Variants in BEST1 observed in about 807,000 individuals in gnomAD.
BEST1 encodes bestrophin-1.
A neutral mutation model predicts 63.3 loss-of-function variants in BEST1; 58 were observed. That is an observed-to-expected ratio of 0.92 (90% CI 0.74 to 1.14). BEST1 has a LOEUF of 1.14. Ranked by LOEUF, BEST1 falls within the 50% of genes most tolerant of loss-of-function variation. The pLI, the probability that BEST1 is intolerant of heterozygous loss-of-function variation, is 0.00. For missense variants in BEST1, 671 were observed against 740.1 expected, an observed-to-expected ratio of 0.91 and a Z score of 1.08; for synonymous variants, 283 against 291.6, an observed-to-expected ratio of 0.97 and a Z score of 0.30.
In BEST1 at chr11:61,957,399, T is replaced by C. The variant is rs1229405461; in HGVS notation, c.649T>C (p.Leu217=). ...TTCTGCCCCCCAGGAGATGAACACCTTGCGTACTCAGTGTGGACACCTGTA... is the reference window on the plus strand; with the variant it reads ...TTCTGCCCCCCAGGAGATGAACACCCTGCGTACTCAGTGTGGACACCTGTA... ...LQSLLNEMNT[L]RTQCGHLYAY... is the part of the protein sequence containing the mutation. The change falls in exon 6 of 11, where the codon TTG becomes CTG. Residue 217 remains leucine, a synonymous_variant. Transcript: ENST00000378043. The C allele has an allele frequency of 6.2e-7, 1 of 1,611,904 alleles. No individual in the cohort carries two copies. Among genetic ancestry groups the C allele is most frequent in the Admixed American group, 1.7e-5 (1 of 59,984 alleles).
rs121918283 is a variant in BEST1, at chr11:61,959,510, CTCA to C, written c.884_886del (p.Ile295del). ...ACCTGTCCCCAAGGTGGCAGAGCAG[CTCA>C]TCAACCCCTTTGGAGAGGATGATGA... On this transcript the variant is annotated inframe_deletion, in exon 8 of 11. Coordinates refer to ENST00000378043, the MANE Select transcript of BEST1 (RefSeq NM_004183.4). The C allele has an allele frequency of 5.6e-6, 9 of 1,614,088 alleles. No homozygotes were observed. The highest frequency in any genetic ancestry group is 7.6e-6 in the Non-Finnish European group (9 of 1,180,038).
chr11:61,955,973 G>A (rs1205483810), intron 4 of BEST1, 22 bp downstream of exon 4: 3 of 1,540,954 alleles, frequency 1.9e-6, no homozygotes. Context: ...GGGAGCAACG[G>A]GGAGGCACCG....
chr11:61,955,649 G>C, intron 3 of BEST1, 69 bp from the exon 4 acceptor site: 1 of 1,473,880 alleles, frequency 6.8e-7, no homozygotes. Context: ...AGGCATCGCC[G>C]GGCGCTGGGC....
In BEST1 at chr11:61,958,204, T is replaced by A. The variant is rs1459736689; in HGVS notation, c.773T>A (p.Leu258Gln). The A allele has an allele frequency of 6.2e-7, 1 of 1,614,086 alleles. No homozygotes were observed. Among genetic ancestry groups the A allele is most frequent in the African/African-American group, 1.3e-5 (1 of 74,932 alleles). Residue 258 changes from leucine to glutamine, a missense_variant, in exon 7 of 11, where the codon CTG (leucine) becomes CAG (glutamine). Coordinates refer to ENST00000378043, the MANE Select transcript of BEST1 (RefSeq NM_004183.4). Reference sequence around the variant, plus strand: ...ACTTGTCTAGTTGGGCGGCAGTTTCTGAACCCAGCCAAGGCCTACCCTGGC... The same window carrying A: ...ACTTGTCTAGTTGGGCGGCAGTTTCAGAACCCAGCCAAGGCCTACCCTGGC... ...FLTCLVGRQF[L>Q]NPAKAYPGHE...
chr11:61,957,160 G>A (rs1386069594), intron 5 of BEST1, among the ~76,000 whole-genome samples, 162 bp downstream of exon 5: 1 of 152,150 alleles, frequency 6.6e-6, no homozygotes, highest in African/African-American at 2.4e-5. Flanking sequence ...AGCCCGAGGT[G>A]GTCCCTTCTC....
chr11:61,958,115 C>T (rs1445264149), intron 6 of BEST1, 31 bp from the exon 7 acceptor site: 1 of 1,584,296 alleles, frequency 6.3e-7, no homozygotes, highest in East Asian at 2.3e-5. Flanking sequence ...CCACCTAGCC[C>T]TTTGCTACCA....
At chr11:61,958,470 G>A in intron 7 of BEST1, 172 bp downstream of exon 7, 1 of 1,525,156 alleles carries the variant, frequency 6.6e-7, no homozygotes, top group Non-Finnish European at 8.8e-7. Context: ...TGAGGCAGGA[G>A]AATCGCTTGA....
At chr11:61,957,087 G>A (rs1208375966) in intron 5 of BEST1, 89 bp downstream of exon 5, 11 of 1,582,988 alleles carry the variant, frequency 6.9e-6, no homozygotes, top group Admixed American at 3.4e-5. Context: ...GAAGCCTTGG[G>A]CCCCTGAGGG....
In BEST1 at chr11:61,962,498, G is replaced by A. The variant is rs750853071; in HGVS notation, c.1344G>A (p.Lys448=). The A allele has an allele frequency of 1.4e-5, 23 of 1,614,208 alleles. No individual in the cohort carries two copies. The highest frequency in any genetic ancestry group is 1.9e-5 in the Non-Finnish European group (22 of 1,180,042). The part of the protein sequence containing the change: ...GQEDNKAWKL[K]AVDAFKSAPL... ...AAGACAACAAGGCCTGGAAGCTTAA[G>A]GCTGTGGACGCCTTCAAGTCTGCCC... is the stretch of plus-strand genomic sequence containing the variant. Residue 448 remains lysine (K), a synonymous_variant, in exon 10 of 11, where the codon AAG becomes AAA. Transcript: ENST00000378043.
At chr11:61,960,834 T>C (rs1310680791) in intron 9 of BEST1, 1 of 152,924 alleles carries the variant, frequency 6.5e-6, no homozygotes, top group Non-Finnish European at 1.5e-5. Context: ...TATCCCCACA[T>C]GGTCCCACTT....
chr11:61,963,242 T>C (rs1942266072), intron 10 of BEST1: 3 of 1,383,986 alleles, frequency 2.2e-6, no homozygotes, highest in Admixed American at 3.1e-5. Context: ...CCAACTTACT[T>C]TGAGCAAGGG....
downstream of BEST1, chr11:61,964,837 C>A (rs1167278194): frequency 6.2e-7 from 1 of 1,601,464 alleles, no homozygotes; most frequent in Non-Finnish European, 8.5e-7. Context: ...TCACCCAATT[C>A]TTTGATGGCT....
intron 2 of BEST1, among the ~76,000 whole-genome samples, chr11:61,954,424 T>C (rs1941047609): frequency 6.6e-6 from 1 of 152,220 alleles, no homozygotes; most frequent in Non-Finnish European, 1.5e-5. Context: ...TTCACTGCTC[T>C]AACAAAATCC....
intron 9 of BEST1, chr11:61,961,383 T>C (rs1942049777): frequency 6.6e-6 from 1 of 152,150 alleles, no homozygotes; most frequent in Admixed American, 6.6e-5. Context: ...CTATAGATAG[T>C]GTGAGGAAGG....
At chr11:61,958,923 C>T (rs1591298977) in intron 7 of BEST1, 1 of 25,992 alleles carries the variant, frequency 3.8e-5, no homozygotes, top group African/African-American at 9.0e-5. Flanking sequence ...CACACACACA[C>T]GCATTCCTAT....
In BEST1 at chr11:61,962,382, A is replaced by C; in HGVS notation, c.1228A>C (p.Thr410Pro). The part of the protein sequence containing the change: ...DHHPPRANSR[T>P]KLLWPKRESL... ...CCATCCTCCCAGGGCAAACTCAAGG[A>C]CCAAACTACTGTGGCCCAAGAGGGA... The change falls in exon 10 of 11, where the codon ACC becomes CCC. Residue 410 changes from threonine (T) to proline (P), a missense_variant. By Grantham distance (38) the Thr-to-Pro change is conservative (BLOSUM62 -1). Coordinates refer to ENST00000378043, the MANE Select transcript of BEST1 (RefSeq NM_004183.4). 1 of 1,614,114 alleles carries C rather than the reference A, an allele frequency of 6.2e-7. No homozygotes were observed. Among genetic ancestry groups the C allele is most frequent in the Non-Finnish European group, 8.5e-7 (1 of 1,180,004 alleles).
intron 7 of BEST1, chr11:61,958,885 CACACACACACACACACACACAT>C (rs928256857): frequency 1.2e-4 from 9 of 74,444 alleles, no homozygotes; most frequent in African/African-American, 3.1e-4. Context: ...CACACACACA[CACACACACACACACACACACAT>C]ACACACACAC....
chr11:61,958,779 T>C lies in BEST1; in HGVS notation c.867+481T>C, dbSNP rs149515523. 968 of 335,900 alleles carry C rather than the reference T, an allele frequency of 2.9e-3. 7 individuals carry two copies. Among genetic ancestry groups the C allele is most frequent in the Middle Eastern group, 3.2e-3 (3 of 944 alleles). 20.8% of individuals were successfully genotyped at this position (335,900 alleles called of 1,614,324 possible). A position where few individuals can be genotyped will look rare whatever the true frequency, so the allele number is the denominator to read the frequency against. On this transcript the variant is annotated intron_variant, in intron 7 of 10. Coordinates refer to ENST00000378043, the MANE Select transcript of BEST1 (RefSeq NM_004183.4). ...TCTCCACCTCTTTATCTTTCCTTCC[T>C]TCTGTTGCCCACCCACTCTCTCTCC...
chr11:61,952,850 G>GT (rs2134415212), intron 2 of BEST1, among the ~76,000 whole-genome samples: 1 of 152,210 alleles, frequency 6.6e-6, no homozygotes, highest in Admixed American at 6.5e-5. Context: ...ACTCGCGTCT[G>GT]TAATCCCAGC....
Sources: gnomAD v4.1 joint callset for allele counts (sites outside exome capture counted in the v4.1 genomes callset) on GRCh38, gnomAD v4.1.1 for gene constraint, MANE v1.5 for transcripts, NCBI Gene and HGNC (gene_info 2026-07-23, HGNC 2026-07-21) for gene names.